DNAAF9: variants seen among roughly 807,000 people sequenced by gnomAD.
DNAAF9 encodes the protein shulin.
In DNAAF9, 90 loss-of-function variants were observed where a neutral mutation model predicts 167.0. The observed-to-expected ratio is 0.54, with a 90% CI of 0.45 to 0.64. DNAAF9 has a LOEUF of 0.64. DNAAF9 is among the 30% of genes least tolerant of loss of function. The pLI, the probability that DNAAF9 is intolerant of heterozygous loss-of-function variation, is 0.00. For synonymous variants in DNAAF9, 491 were observed against 508.8 expected (o/e 0.96, Z 0.47); for missense variants, 1,315 against 1,442.2 (o/e 0.91, Z 1.43).
chr20:3,363,719 A>G (rs141076867), intron 6 of DNAAF9, among the ~76,000 whole-genome samples: 2 of 152,238 alleles, frequency 1.3e-5, no homozygotes, highest in African/African-American at 4.8e-5. Flanking sequence ...AAACAAAAAG[A>G]CATAAAATGT....
intron 1 of DNAAF9, chr20:3,384,574 T>C (rs1301061583): frequency 6.6e-6 from 1 of 151,370 alleles, no homozygotes; most frequent in African/African-American, 2.4e-5. Context: ...GTCTCATTAA[T>C]GTTGCCTAGG....
chr20:3,387,884 TAAAAAAAAA>T (rs557861791), intron 1 of DNAAF9, among the ~76,000 whole-genome samples: 10 of 87,368 alleles, frequency 1.1e-4, no homozygotes, highest in East Asian at 8.5e-4. Flanking sequence ...CTACAAAAAG[TAAAAAAAAA>T]AAAAAAAAAA....
rs532613579 is a variant in DNAAF9 at position 3,348,532 on chromosome 20, G to A, written c.782C>T (p.Ala261Val). The A allele has an allele frequency of 1.7e-4, 265 of 1,581,764 alleles. 2 individuals carry two copies. Among genetic ancestry groups the A allele is most frequent in the South Asian group, 7.7e-4 (67 of 87,174 alleles). The change falls in exon 8 of 37, where the codon GCG becomes GTG. Residue 261 changes from alanine to valine, a missense_variant. Coordinates refer to ENST00000252032, the MANE Select transcript of DNAAF9 (RefSeq NM_001009984.3). ...PFLLELSESQ[A>V]GEPFRSYFSH... ...GACCCTTCCCTTACATACCTCACCC[G>A]CCTGAGATTCTGAAAGTTCTAGCAG...
intron 30 of DNAAF9, among the ~76,000 whole-genome samples, chr20:3,265,751 C>T (rs1294907299): frequency 7.0e-6 from 1 of 142,652 alleles, no homozygotes; most frequent in Admixed American, 7.0e-5. Context: ...GATCTCGTCT[C>T]ACTGCAACCT....
intron 34 of DNAAF9, among the ~76,000 whole-genome samples, 200 bp downstream of exon 34, chr20:3,255,806 A>T (rs1488318327): frequency 1.3e-5 from 2 of 152,184 alleles, no homozygotes; most frequent in Admixed American, 1.3e-4. Context: ...AAAGCAAACA[A>T]CATAGCAGGC....
At chr20:3,392,111 C>T (rs1470752997) in intron 1 of DNAAF9, among the ~76,000 whole-genome samples, 1 of 152,148 alleles carries the variant, frequency 6.6e-6, no homozygotes. Context: ...GAGTTCCAGG[C>T]TGCATTGATT....
chr20:3,281,961 T>C (rs1366568404), intron 27 of DNAAF9, among the ~76,000 whole-genome samples, 195 bp from the exon 28 acceptor site: 1 of 152,150 alleles, frequency 6.6e-6, no homozygotes, highest in African/African-American at 2.4e-5. Flanking sequence ...CATTCCCAAG[T>C]TCCATTAGTC....
chr20:3,396,062 T>A (rs149365397), intron 1 of DNAAF9, among the ~76,000 whole-genome samples: 1,977 of 152,332 alleles, frequency 0.013, 41 homozygotes, highest in African/African-American at 0.045. Flanking sequence ...TCTTCTCTTG[T>A]CTGCTGCCAT....
intron 29 of DNAAF9, among the ~76,000 whole-genome samples, chr20:3,273,919 T>C (rs2068635027): frequency 6.6e-6 from 1 of 152,166 alleles, no homozygotes; most frequent in African/African-American, 2.4e-5. Context: ...CCACAAGTAG[T>C]GACACATTAC....
intron 31 of DNAAF9, among the ~76,000 whole-genome samples, chr20:3,264,118 T>C (rs1258531940): frequency 2.0e-5 from 3 of 152,238 alleles, no homozygotes; most frequent in Admixed American, 6.5e-5. Context: ...GGGAAAGTTA[T>C]AGCTCCTTGG....
At chr20:3,299,763 T>C (rs2069150723) in intron 21 of DNAAF9, among the ~76,000 whole-genome samples, 1 of 152,250 alleles carries the variant, frequency 6.6e-6, no homozygotes, top group Non-Finnish European at 1.5e-5. Context: ...AGCAGCAAAC[T>C]GTTAGGTCAC....
chr20:3,341,568 C>A (rs139042422), intron 9 of DNAAF9, among the ~76,000 whole-genome samples: 128 of 152,298 alleles, frequency 8.4e-4, no homozygotes, highest in Non-Finnish European at 1.4e-3. Context: ...ATCTGAAAGG[C>A]CTCCTTGACT....
intron 25 of DNAAF9, among the ~76,000 whole-genome samples, chr20:3,291,968 A>C (rs1434097768): frequency 6.6e-6 from 1 of 150,430 alleles, no homozygotes; most frequent in African/African-American, 2.4e-5. Flanking sequence ...ATACAGCCAG[A>C]CATGTTTTTA....
intron 34 of DNAAF9, 57 bp from the exon 35 acceptor site, chr20:3,255,341 C>T: frequency 9.2e-7 from 1 of 1,084,120 alleles, no homozygotes. Context: ...AGTGCATGGG[C>T]AGGGGAGGGC....
At chr20:3,268,897 C>CTTTCT (rs1555785261) in intron 30 of DNAAF9, among the ~76,000 whole-genome samples, 2 of 85,850 alleles carry the variant, frequency 2.3e-5, no homozygotes, top group Non-Finnish European at 4.3e-5. Context: ...CTCTATGTTA[C>CTTTCT]TTTTTTTTTT....
At chr20:3,362,446 AT>A (rs2083376316) in intron 6 of DNAAF9, 1 of 412,864 alleles carries the variant, frequency 2.4e-6, no homozygotes, top group Non-Finnish European at 4.2e-6. Flanking sequence ...TCTTATTATT[AT>A]TCTTAGAAGT....
intron 20 of DNAAF9, chr20:3,306,828 A>C: frequency 1.2e-6 from 1 of 830,868 alleles, no homozygotes; most frequent in Non-Finnish European, 1.5e-6. Context: ...CAGACCTTCA[A>C]CACTCTCCTA....
At chr20:3,258,983 A>G (rs1361733702) in intron 33 of DNAAF9, among the ~76,000 whole-genome samples, 1 of 152,206 alleles carries the variant, frequency 6.6e-6, no homozygotes, top group African/African-American at 2.4e-5. Flanking sequence ...ACTGGTTTTG[A>G]GGCCTTCTCT....
chr20:3,265,482 A>C (rs2068472669), intron 30 of DNAAF9, among the ~76,000 whole-genome samples: 1 of 148,028 alleles, frequency 6.8e-6, no homozygotes, highest in Non-Finnish European at 1.5e-5. Context: ...CAGGAGAATC[A>C]CTTGAACCCA....
Sources: allele counts gnomAD v4.1 joint callset (sites outside exome capture counted in the v4.1 genomes callset), GRCh38; gene constraint gnomAD v4.1.1; transcripts MANE v1.5; gene names NCBI Gene and HGNC (gene_info 2026-07-23, HGNC 2026-07-21).